LINGO1: variants seen among roughly 807,000 people sequenced by gnomAD.
The protein encoded by LINGO1 is leucine rich repeat and Ig domain containing 1.
Under a neutral mutation model 37.3 loss-of-function variants are expected in LINGO1, and 11 were observed. The observed-to-expected ratio is 0.29, with a 90% confidence interval of 0.19 to 0.49. The LOEUF (loss-of-function observed/expected upper bound fraction) is 0.49. Ranked by LOEUF, LINGO1 falls within the 20% of genes least tolerant of loss-of-function variation. LINGO1 has a pLI of 0.99. For missense variants in LINGO1, 585 were observed against 878.2 expected, an observed-to-expected ratio of 0.67 and a Z score of 4.22; for synonymous variants, 387 against 403.0, an observed-to-expected ratio of 0.96 and a Z score of 0.48.
Position 77,774,932 on chromosome 15 carries a change from G to T in LINGO1, c.-257+11937C>A, listed in dbSNP as rs4886907. 3.1e-3 allele frequency among the ~76,000 whole-genome samples: 477 copies of T among 152,266 alleles called. 8 individuals carry two copies. Among genetic ancestry groups the T allele is most frequent in the Admixed American group, 0.026 (394 of 15,310 alleles). On this transcript the variant is annotated intron_variant, in intron 1 of 3. Transcript: ENST00000561686. Reference sequence around the variant, plus strand: ...CACAGCCTCAGTACTCCTGCATCCTGCCCCGGAGAGGCCAACAGCTCCAGC... The same window carrying T: ...CACAGCCTCAGTACTCCTGCATCCTTCCCCGGAGAGGCCAACAGCTCCAGC...
At chr15:77,645,934 C>G (rs370943813) in intron 3 of LINGO1, among the ~76,000 whole-genome samples, 1 of 152,226 alleles carries the variant, frequency 6.6e-6, no homozygotes, top group South Asian at 2.1e-4. Flanking sequence ...CAGGTGGCCT[C>G]GGTGTGGCTG....
intron 2 of LINGO1, among the ~76,000 whole-genome samples, chr15:77,681,228 G>GT (rs34047610): frequency 3.3e-5 from 5 of 150,658 alleles, no homozygotes; most frequent in East Asian, 2.0e-4. Context: ...ATTTCTGTGG[G>GT]TTTTTTTTTT....
At chr15:77,642,415 C>G (rs1247545189) in intron 3 of LINGO1, among the ~76,000 whole-genome samples, 1 of 152,240 alleles carries the variant, frequency 6.6e-6, no homozygotes, top group Non-Finnish European at 1.5e-5. Flanking sequence ...ATAGAAAGAA[C>G]AGCTGGGAAG....
chr15:77,681,627 T>G (rs554718129), intron 2 of LINGO1, among the ~76,000 whole-genome samples: 5 of 152,200 alleles, frequency 3.3e-5, no homozygotes, highest in Admixed American at 6.5e-5. Context: ...GCTGATTGAT[T>G]GGGCTTTAGT....
chr15:77,716,515 G>A (rs1381539983), intron 2 of LINGO1, among the ~76,000 whole-genome samples: 8 of 149,482 alleles, frequency 5.4e-5, no homozygotes, highest in African/African-American at 1.2e-4. Flanking sequence ...ACTGTGATCC[G>A]GAGTCCAAGA....
intron 2 of LINGO1, among the ~76,000 whole-genome samples, chr15:77,715,517 G>A (rs1288325612): frequency 6.6e-6 from 1 of 152,232 alleles, no homozygotes; most frequent in Non-Finnish European, 1.5e-5. Context: ...GAAGAGTGGA[G>A]TTCCAGAGCC....
At chr15:77,766,608 C>T (rs530472056) in intron 1 of LINGO1, among the ~76,000 whole-genome samples, 3 of 152,120 alleles carry the variant, frequency 2.0e-5, no homozygotes, top group Admixed American at 2.0e-4. Context: ...GAAGTGAGTG[C>T]GTTCTCATGA....
At chr15:77,810,134 A>C (rs1379745923) in intron 1 of LINGO1, among the ~76,000 whole-genome samples, 1 of 151,924 alleles carries the variant, frequency 6.6e-6, no homozygotes, top group Non-Finnish European at 1.5e-5. Flanking sequence ...TCAGTCCCAG[A>C]TGGCTGAGCC....
intron 2 of LINGO1, chr15:77,677,317 A>G (rs1036131220): frequency 1.3e-5 from 2 of 152,552 alleles, no homozygotes; most frequent in African/African-American, 4.8e-5. Context: ...CCAGCACAGC[A>G]CATGCTCCTC....
At chr15:77,745,854 AG>A (rs1567560017) in intron 1 of LINGO1, among the ~76,000 whole-genome samples, 1 of 152,132 alleles carries the variant, frequency 6.6e-6, no homozygotes, top group Admixed American at 6.6e-5. Flanking sequence ...TGTGTGATGG[AG>A]GCTGGGGTGG....
intron 1 of LINGO1, among the ~76,000 whole-genome samples, chr15:77,777,667 C>T (rs149219667): frequency 3.9e-5 from 6 of 152,272 alleles, no homozygotes; most frequent in African/African-American, 1.4e-4. Flanking sequence ...TGGCTCATGC[C>T]TGTAATCCTA....
At chr15:77,755,400 G>A (rs2076409560) in intron 1 of LINGO1, among the ~76,000 whole-genome samples, 1 of 152,238 alleles carries the variant, frequency 6.6e-6, no homozygotes, top group Non-Finnish European at 1.5e-5. Flanking sequence ...GGAAACTGAA[G>A]CATGGAGGGG....
intron 3 of LINGO1, among the ~76,000 whole-genome samples, chr15:77,654,664 G>A (rs1309357056): frequency 6.6e-6 from 1 of 152,144 alleles, no homozygotes; most frequent in Non-Finnish European, 1.5e-5. Flanking sequence ...ACCTGGAGAG[G>A]TCAATGGAAA....
intron 3 of LINGO1, among the ~76,000 whole-genome samples, chr15:77,653,089 C>T (rs1018107793): frequency 6.6e-6 from 1 of 152,204 alleles, no homozygotes; most frequent in African/African-American, 2.4e-5. Flanking sequence ...ATAGGCCAAC[C>T]CCTTAATTGG....
At position 77,632,469 on chromosome 15, in the gene LINGO1, T is replaced by G; in HGVS notation, c.-154A>C. ...GTCCGCGCGCCCTCGCGGGGCTGGC[T>G]GTCCGTCTGTCCGCCCCGCGCGGGC... On this transcript the variant is annotated 5_prime_UTR_variant, in exon 1 of 2. Transcript: ENST00000355300. The surrounding 1 kb of genome is among the most constrained non-coding windows in gnomAD (Gnocchi z 6.0). The G allele has an allele frequency of 2.8e-6, 2 of 712,792 alleles. No individual in the cohort carries two copies. Among genetic ancestry groups the G allele is most frequent in the Non-Finnish European group, 1.9e-6 (1 of 521,050 alleles). The allele number at this position is 712,792 out of a possible 1,614,324, so 44.2% of individuals were successfully genotyped here. A position where few individuals can be genotyped will look rare whatever the true frequency, so the allele number is the denominator to read the frequency against.
intron 1 of LINGO1, among the ~76,000 whole-genome samples, chr15:77,810,376 AGGAGAG>A (rs2076996325): frequency 6.7e-6 from 1 of 149,574 alleles, no homozygotes; most frequent in Admixed American, 6.6e-5. Flanking sequence ...GAATCTAGGG[AGGAGAG>A]GGAGAGGGAC....
chr15:77,714,104 G>A (rs746596324), intron 2 of LINGO1, among the ~76,000 whole-genome samples: 30 of 152,128 alleles, frequency 2.0e-4, no homozygotes, highest in Non-Finnish European at 3.4e-4. Context: ...AGAAGGAGGT[G>A]GTCAAAAACG....
At chr15:77,735,085 G>A (rs1462210323) in intron 1 of LINGO1, 2 of 152,570 alleles carry the variant, frequency 1.3e-5, no homozygotes, top group African/African-American at 4.8e-5. Flanking sequence ...GAGGTGAGAG[G>A]ACAGTCAGAT....
chr15:77,699,080 C>T (rs141819274), upstream of LINGO1, among the ~76,000 whole-genome samples: 34 of 152,194 alleles, frequency 2.2e-4, no homozygotes, highest in African/African-American at 7.7e-4. Flanking sequence ...AGCTCACTCA[C>T]GCTGCCACGA....
Sources: gnomAD v4.1 joint callset for allele counts (sites outside exome capture counted in the v4.1 genomes callset) on GRCh38, gnomAD v4.1.1 for gene constraint, Gnocchi (gnomAD v3.1) non-coding constraint, MANE v1.5 for transcripts, NCBI Gene and HGNC (gene_info 2026-07-23, HGNC 2026-07-21) for gene names.